Variants in UBE2E3 observed in about 807,000 individuals in gnomAD.
UBE2E3 encodes ubiquitin-conjugating enzyme E2 E3.
UBE2E3 carries 5 observed loss-of-function variants against 23.6 expected under a neutral mutation model. The observed-to-expected ratio is 0.21, with a 90% CI of 0.11 to 0.44. The LOEUF (loss-of-function observed/expected upper bound fraction) is 0.44. Among genes scored for constraint, UBE2E3 ranks in the 20% least tolerant of loss-of-function variants. The pLI is 0.99. For missense variants in UBE2E3, 81 were observed against 249.8 expected, an observed-to-expected ratio of 0.32 and a Z score of 4.55; for synonymous variants, 78 against 87.5, an observed-to-expected ratio of 0.89 and a Z score of 0.60.
At chr2:181,029,834 G>A (rs1286310939) in intron 3 of UBE2E3, among the ~76,000 whole-genome samples, 6 of 144,532 alleles carry the variant, frequency 4.2e-5, no homozygotes, top group Non-Finnish European at 7.6e-5. Flanking sequence ...CAATTAATTC[G>A]GTCCCTTTTT....
intron 3 of UBE2E3, among the ~76,000 whole-genome samples, chr2:181,045,001 G>T (rs1468390981): frequency 6.6e-6 from 1 of 152,144 alleles, no homozygotes; most frequent in Non-Finnish European, 1.5e-5. Flanking sequence ...ACTAAAATAA[G>T]ATTTTACCTT....
intron 2 of UBE2E3, among the ~76,000 whole-genome samples, chr2:180,982,678 A>T (rs4299301): frequency 0.58 from 88,693 of 152,048 alleles, 26,283 homozygotes; most frequent in East Asian, 0.77. Context: ...AAATTTGCAA[A>T]TTCAGGCCTT....
At chr2:180,991,390 A>T (rs535852820) in intron 3 of UBE2E3, among the ~76,000 whole-genome samples, 1 of 152,228 alleles carries the variant, frequency 6.6e-6, no homozygotes, top group African/African-American at 2.4e-5. Flanking sequence ...TCCCATTGGC[A>T]TATCCAAACT....
chr2:181,015,379 A>G (rs1017202259), intron 3 of UBE2E3, among the ~76,000 whole-genome samples: 54 of 152,300 alleles, frequency 3.5e-4, no homozygotes, highest in African/African-American at 1.3e-3. Context: ...TAATACATCT[A>G]GAACATTTTG....
intron 3 of UBE2E3, among the ~76,000 whole-genome samples, chr2:181,004,881 A>G (rs942600398): frequency 4.6e-5 from 7 of 152,210 alleles, no homozygotes; most frequent in African/African-American, 1.7e-4. Context: ...TAGTGTTTGT[A>G]TGATAAATCT....
At chr2:180,980,490 A>G (rs1242511925), upstream of UBE2E3, 2 of 148,916 alleles carry the variant, frequency 1.3e-5, no homozygotes, top group Admixed American at 1.3e-4. The surrounding 1 kb of genome is among the most constrained non-coding windows in gnomAD (Gnocchi z 5.5). Flanking sequence ...CGCGCACGGG[A>G]GCGCGCGGGA....
rs377162720 is a variant in UBE2E3 at position 181,022,893 on chromosome 2, A to G, written c.246-34800A>G. 3.8e-4 allele frequency among the ~76,000 whole-genome samples: 57 copies of G among 151,940 alleles called. 2 individuals carry two copies. In the South Asian group the frequency reaches 0.011, roughly 30 times the overall value. On this transcript the variant is annotated intron_variant, in intron 3 of 5. Coordinates refer to ENST00000410062, the MANE Select transcript of UBE2E3 (RefSeq NM_006357.4). ...CCCTAGTATTGATTTTTGGCTTACA[A>G]ATACCAGATGTCCTTCAACTTACAA... is the stretch of plus-strand genomic sequence containing the variant.
At chr2:181,010,340 A>G (rs946235765) in intron 3 of UBE2E3, among the ~76,000 whole-genome samples, 3 of 152,140 alleles carry the variant, frequency 2.0e-5, no homozygotes, top group African/African-American at 4.8e-5. Flanking sequence ...TTTTCAATAC[A>G]GATTATTTTT....
intron 5 of UBE2E3, 54 bp from the exon 6 acceptor site, chr2:181,062,737 T>G (rs1687196462): frequency 3.8e-6 from 4 of 1,041,846 alleles, no homozygotes; most frequent in Non-Finnish European, 5.8e-6. Context: ...ATTAGAACTA[T>G]ACCTTGAAGA....
At chr2:181,042,733 A>G (rs373556560) in intron 3 of UBE2E3, among the ~76,000 whole-genome samples, 16 of 152,242 alleles carry the variant, frequency 1.1e-4, no homozygotes, top group African/African-American at 2.7e-4. Flanking sequence ...CTGAACATCC[A>G]TAATTGAGTC....
chr2:181,025,351 A>G (rs566914796), intron 3 of UBE2E3, among the ~76,000 whole-genome samples: 4 of 152,134 alleles, frequency 2.6e-5, no homozygotes, highest in East Asian at 1.9e-4. Flanking sequence ...ATGCAAATAA[A>G]TGTAATTTTC....
intron 3 of UBE2E3, among the ~76,000 whole-genome samples, chr2:181,041,424 G>C (rs1686500611): frequency 6.7e-6 from 1 of 150,086 alleles, no homozygotes; most frequent in African/African-American, 2.4e-5. Flanking sequence ...AGGGTTTTCT[G>C]TGAGCAGTGT....
At chr2:181,018,406 A>G (rs1378887098) in intron 3 of UBE2E3, among the ~76,000 whole-genome samples, 1 of 151,858 alleles carries the variant, frequency 6.6e-6, no homozygotes, top group Non-Finnish European at 1.5e-5. Flanking sequence ...GGAAGATAAT[A>G]TTTTTATCTG....
At chr2:180,989,836 C>T (rs1684601624) in intron 3 of UBE2E3, 5 of 1,525,058 alleles carry the variant, frequency 3.3e-6, no homozygotes, top group Middle Eastern at 3.4e-4. Context: ...TTATGCTCTC[C>T]TTAAATGAGT....
intron 3 of UBE2E3, among the ~76,000 whole-genome samples, chr2:181,049,870 A>C (rs1686773337): frequency 6.6e-6 from 1 of 152,026 alleles, no homozygotes; most frequent in Non-Finnish European, 1.5e-5. Context: ...TAATTCCTTT[A>C]AACAAAAGAC....
At chr2:181,007,916 G>A (rs1328977473) in intron 3 of UBE2E3, among the ~76,000 whole-genome samples, 4 of 152,230 alleles carry the variant, frequency 2.6e-5, no homozygotes, top group Non-Finnish European at 5.9e-5. Context: ...ATTTAATGAA[G>A]TCTTGAACCC....
intron 3 of UBE2E3, among the ~76,000 whole-genome samples, chr2:181,048,662 AT>A (rs34657438): frequency 0.39 from 58,707 of 151,822 alleles, 12,035 homozygotes; most frequent in East Asian, 0.57. Flanking sequence ...TCTCACCCTA[AT>A]TGTCTGTATT....
chr2:180,990,038 C>G, intron 3 of UBE2E3: 1 of 1,439,930 alleles, frequency 6.9e-7, no homozygotes, highest in Non-Finnish European at 9.4e-7. Context: ...TTTCCACATA[C>G]CAATTTTGAC....
At chr2:181,004,904 T>C (rs1475073060) in intron 3 of UBE2E3, among the ~76,000 whole-genome samples, 1 of 152,250 alleles carries the variant, frequency 6.6e-6, no homozygotes, top group Non-Finnish European at 1.5e-5. Flanking sequence ...AGACAGACAA[T>C]GTCTTACGAA....
Sources: gnomAD v4.1 joint callset for allele counts (sites outside exome capture counted in the v4.1 genomes callset) on GRCh38, gnomAD v4.1.1 for gene constraint, Gnocchi (gnomAD v3.1) non-coding constraint, MANE v1.5 for transcripts, NCBI Gene and HGNC (gene_info 2026-07-23, HGNC 2026-07-21) for gene names.